The following EDNRB variants were observed in gnomAD, a reference collection of about 807,000 sequenced individuals.
EDNRB encodes the protein endothelin receptor type B, also known as Hirschsprung disease 2.
Under a neutral mutation model 46.4 loss-of-function variants are expected in EDNRB, and 18 were observed. That is an observed-to-expected ratio of 0.39 (90% CI 0.27 to 0.57). The LOEUF is 0.57. EDNRB is among the 20% of genes least tolerant of loss of function. The pLI is 0.61. For synonymous variants in EDNRB, 213 were observed against 204.9 expected (o/e 1.04, Z -0.34); for missense variants, 434 against 537.5 (o/e 0.81, Z 1.90).
intron 1 of EDNRB, among the ~76,000 whole-genome samples, chr13:77,929,043 G>A (rs190653794): frequency 6.6e-6 from 1 of 152,256 alleles, no homozygotes; most frequent in African/African-American, 2.4e-5. Context: ...TAAATTTTAG[G>A]TTCAGACGTT....
At chr13:77,969,428 A>G (rs959084768) in intron 1 of EDNRB, among the ~76,000 whole-genome samples, 2 of 152,162 alleles carry the variant, frequency 1.3e-5, no homozygotes, top group African/African-American at 2.4e-5. Context: ...GTGTGGTACA[A>G]TTATGTCTAT....
chr13:77,909,979 G>C (rs913742597), intron 1 of EDNRB, among the ~76,000 whole-genome samples: 1 of 151,898 alleles, frequency 6.6e-6, no homozygotes, highest in Non-Finnish European at 1.5e-5. Flanking sequence ...GGCGGAAAAG[G>C]TAACGACAAA....
At chr13:77,929,252 C>T (rs1880320295) in intron 1 of EDNRB, among the ~76,000 whole-genome samples, 1 of 152,018 alleles carries the variant, frequency 6.6e-6, no homozygotes, top group Non-Finnish European at 1.5e-5. Context: ...AATAAGAGGA[C>T]CAAAATATAC....
At chr13:77,936,965 C>G (rs1325859333) in intron 1 of EDNRB, among the ~76,000 whole-genome samples, 1 of 152,178 alleles carries the variant, frequency 6.6e-6, no homozygotes, top group Non-Finnish European at 1.5e-5. Flanking sequence ...TATTGTACAC[C>G]TTGAAGGCGA....
At chr13:77,899,470 A>T (rs572073878) in intron 6 of EDNRB, 2 of 195,396 alleles carry the variant, frequency 1.0e-5, no homozygotes, top group African/African-American at 4.8e-5. Context: ...AAAAGGAACT[A>T]ATTTAGTTAT....
intron 5 of EDNRB, among the ~76,000 whole-genome samples, chr13:77,900,261 G>A (rs892965592): frequency 1.3e-5 from 2 of 151,778 alleles, no homozygotes; most frequent in African/African-American, 2.4e-5. Flanking sequence ...TTTAGAAAAC[G>A]CGTTGGAGAA....
chr13:77,962,229 GA>G (rs1287125275), intron 1 of EDNRB, among the ~76,000 whole-genome samples: 1 of 152,072 alleles, frequency 6.6e-6, no homozygotes, highest in African/African-American at 2.4e-5. Flanking sequence ...CATTCCTTCT[GA>G]AAATATTCCA....
At chr13:77,974,381 G>A (rs1854800) in intron 1 of EDNRB, among the ~76,000 whole-genome samples, 90,060 of 151,884 alleles carry the variant, frequency 0.59, 28,038 homozygotes, top group Middle Eastern at 0.74. Context: ...GGCCATCCAC[G>A]GGCTACTGGG....
intron 1 of EDNRB, among the ~76,000 whole-genome samples, chr13:77,963,408 G>T (rs900873064): frequency 6.6e-6 from 1 of 152,114 alleles, no homozygotes; most frequent in Non-Finnish European, 1.5e-5. Flanking sequence ...CATGGTACTG[G>T]TACCAAAACA....
upstream of EDNRB, chr13:77,918,903 G>A (rs1191374367): frequency 1.6e-6 from 2 of 1,229,192 alleles, no homozygotes; most frequent in South Asian, 3.4e-5. The surrounding 1 kb of genome is among the most constrained non-coding windows in gnomAD (Gnocchi z 4.5). Flanking sequence ...TGCCAGGGAG[G>A]GAATGATGGG....
chr13:77,968,299 A>T (rs1881636235), intron 1 of EDNRB, among the ~76,000 whole-genome samples: 1 of 152,130 alleles, frequency 6.6e-6, no homozygotes. Context: ...TGGAATTAGA[A>T]TCCTTTTATA....
upstream of EDNRB, among the ~76,000 whole-genome samples, chr13:77,923,411 T>C (rs1880140789): frequency 6.6e-6 from 1 of 152,158 alleles, no homozygotes; most frequent in South Asian, 2.1e-4. Context: ...TATTAGAAAT[T>C]CCAGTCTAAG....
intron 1 of EDNRB, among the ~76,000 whole-genome samples, chr13:77,962,676 CA>C (rs1198228366): frequency 6.6e-6 from 1 of 151,994 alleles, no homozygotes; most frequent in Non-Finnish European, 1.5e-5. Flanking sequence ...ACTGAATGGG[CA>C]AAAAACTGGA....
chr13:77,948,179 G>A (rs1924914), intron 1 of EDNRB, among the ~76,000 whole-genome samples: 99,612 of 152,058 alleles, frequency 0.66, 33,359 homozygotes, highest in Middle Eastern at 0.81. Context: ...AGTCTTCTAG[G>A]AAGGTTGAAG....
chr13:77,918,869 G>A (rs1157556164), upstream of EDNRB: 1 of 1,265,604 alleles, frequency 7.9e-7, no homozygotes. The surrounding 1 kb of genome is among the most constrained non-coding windows in gnomAD (Gnocchi z 4.5). Flanking sequence ...ATATGCAGTG[G>A]GGCGGGGCGT....
chr13:77,954,224 C>G (rs1881169968), intron 1 of EDNRB, among the ~76,000 whole-genome samples: 1 of 152,118 alleles, frequency 6.6e-6, no homozygotes, highest in Admixed American at 6.6e-5. Context: ...CAGAAGATCT[C>G]TGAAACTCAT....
At chr13:77,957,694 A>G (rs1260348235) in intron 1 of EDNRB, among the ~76,000 whole-genome samples, 2 of 152,210 alleles carry the variant, frequency 1.3e-5, no homozygotes, top group Non-Finnish European at 2.9e-5. Context: ...CTAGTGAGTA[A>G]TCCTGGATGA....
chr13:77,907,074 T>G (rs952281367), intron 1 of EDNRB, among the ~76,000 whole-genome samples: 7 of 152,056 alleles, frequency 4.6e-5, no homozygotes, highest in African/African-American at 9.7e-5. Flanking sequence ...AATATCTAGA[T>G]GCAGAGCAAA....
At chr13:77,911,197 A>C (rs1402202863) in intron 1 of EDNRB, among the ~76,000 whole-genome samples, 1 of 152,064 alleles carries the variant, frequency 6.6e-6, no homozygotes, top group African/African-American at 2.4e-5. Context: ...ATCTTCTAAG[A>C]TCACTGGTGA....
Sources: allele counts gnomAD v4.1 joint callset (sites outside exome capture counted in the v4.1 genomes callset), GRCh38; gene constraint gnomAD v4.1.1; non-coding constraint Gnocchi (gnomAD v3.1); transcripts MANE v1.5; gene names NCBI Gene and HGNC (gene_info 2026-07-23, HGNC 2026-07-21).